RHOBTB1: variants seen among roughly 807,000 people sequenced by gnomAD.
RHOBTB1 encodes Rho related BTB domain containing 1.
A neutral mutation model predicts 71.6 loss-of-function variants in RHOBTB1; 40 were observed. The ratio of observed to expected loss-of-function variants is 0.56; its 90% CI spans 0.43 to 0.73. RHOBTB1 has a LOEUF of 0.73. RHOBTB1 is among the 30% of genes least tolerant of loss of function. The pLI is 0.00. For synonymous variants in RHOBTB1, 319 were observed against 334.9 expected, an observed-to-expected ratio of 0.95 and a Z score of 0.52; for missense variants, 797 against 894.0, an observed-to-expected ratio of 0.89 and a Z score of 1.38.
intron 2 of RHOBTB1, among the ~76,000 whole-genome samples, chr10:60,924,947 A>G (rs2133826585): frequency 6.6e-6 from 1 of 152,256 alleles, no homozygotes; most frequent in African/African-American, 2.4e-5. Flanking sequence ...CCAATGTTAG[A>G]GTTGGGGCTT....
chr10:60,861,215 T>C, the RHOBTB1 span, among the ~76,000 whole-genome samples: 1 of 152,152 alleles, frequency 6.6e-6, no homozygotes, highest in Non-Finnish European at 1.5e-5. Flanking sequence ...GGACGTTCTG[T>C]TTGAACCTCA....
chr10:60,867,997 C>A (rs1022279986), downstream of RHOBTB1, among the ~76,000 whole-genome samples: 1 of 152,176 alleles, frequency 6.6e-6, no homozygotes, highest in African/African-American at 2.4e-5. Flanking sequence ...ATATCTGTGG[C>A]TCACAGTGTT....
At chr10:60,985,486 A>G (rs2086632015) in intron 2 of RHOBTB1, among the ~76,000 whole-genome samples, 2 of 152,232 alleles carry the variant, frequency 1.3e-5, no homozygotes, top group Admixed American at 6.5e-5. Context: ...TTCCTTGTAT[A>G]TGGCCATGAC....
chr10:60,993,684 T>C (rs1337472604), intron 1 of RHOBTB1, among the ~76,000 whole-genome samples: 1 of 152,108 alleles, frequency 6.6e-6, no homozygotes, highest in Non-Finnish European at 1.5e-5. Flanking sequence ...CATTTTATAT[T>C]GCTCTACGGT....
chr10:61,001,254 G>A (rs998578654), intron 1 of RHOBTB1: 16 of 152,224 alleles, frequency 1.1e-4, no homozygotes, highest in African/African-American at 3.6e-4. Context: ...GGTGCAAAGG[G>A]ATGCTCCAAG....
At chr10:60,893,566 C>T (rs1298270878) in intron 4 of RHOBTB1, among the ~76,000 whole-genome samples, 1 of 152,106 alleles carries the variant, frequency 6.6e-6, no homozygotes, top group East Asian at 1.9e-4. Flanking sequence ...AAAGAAAAAT[C>T]CTGAATTTGC....
At chr10:60,908,086 G>C (rs10994574) in intron 4 of RHOBTB1, among the ~76,000 whole-genome samples, 6,517 of 152,238 alleles carry the variant, frequency 0.043, 216 homozygotes, top group Non-Finnish European at 0.067. Context: ...TAAATCATAA[G>C]AGAGCAATAA....
intron 7 of RHOBTB1, among the ~76,000 whole-genome samples, chr10:60,879,502 T>C (rs1037215794): frequency 3.3e-5 from 5 of 151,766 alleles, no homozygotes; most frequent in Admixed American, 3.3e-4. Flanking sequence ...CCGGCTAATT[T>C]ATTTTATTAA....
chr10:60,986,409 A>ATATATAT (rs1396402765), intron 1 of RHOBTB1, among the ~76,000 whole-genome samples: 2 of 127,706 alleles, frequency 1.6e-5, no homozygotes, highest in South Asian at 2.2e-4. Context: ...TAAAAGATAT[A>ATATATAT]TATATATATA....
At chr10:60,867,234 A>G (rs1024656097), downstream of RHOBTB1, among the ~76,000 whole-genome samples, 37 of 152,332 alleles carry the variant, frequency 2.4e-4, no homozygotes, top group African/African-American at 8.9e-4. Context: ...ACTACCATGA[A>G]TCATCAAATC....
At chr10:60,988,455 C>T (rs1398748819) in intron 1 of RHOBTB1, among the ~76,000 whole-genome samples, 1 of 151,574 alleles carries the variant, frequency 6.6e-6, no homozygotes, top group Non-Finnish European at 1.5e-5. Flanking sequence ...CAGCCCTTGC[C>T]CCTCCCTCCC....
chr10:60,900,491 T>C (rs1334745725), intron 4 of RHOBTB1, among the ~76,000 whole-genome samples: 1 of 152,232 alleles, frequency 6.6e-6, no homozygotes, highest in African/African-American at 2.4e-5. Flanking sequence ...TTCAGCATTG[T>C]TAACCCTGAA....
intron 5 of RHOBTB1, among the ~76,000 whole-genome samples, chr10:60,892,091 A>G (rs1366131864): frequency 1.3e-5 from 2 of 152,228 alleles, no homozygotes; most frequent in Non-Finnish European, 2.9e-5. Flanking sequence ...CTGTGAGTCA[A>G]TTAAACCTCT....
rs1324040718 is a variant in RHOBTB1 at position 60,889,058 on chromosome 10, T to C, written c.610A>G (p.Ile204Val). 5 of 1,614,054 alleles carry C rather than the reference T, an allele frequency of 3.1e-6. No homozygotes were observed. The highest frequency in any genetic ancestry group is 1.6e-4 in the Middle Eastern group (1 of 6,082). ...CTGCGGGAAATCAGCGCTGCTCGGA[T>C]TGCATTGTCAAACACATCCTTGATA... ...FGIKDVFDNAIRAALISRRHL... is the reference protein window; with the variant it reads ...FGIKDVFDNAVRAALISRRHL... Residue 204 changes from isoleucine (I) to valine (V), a missense_variant, in exon 6 of 11, where the codon ATC becomes GTC. Coordinates refer to ENST00000337910, the MANE Select transcript of RHOBTB1 (RefSeq NM_014836.5).
At chr10:60,972,040 C>T (rs1370088124) in intron 2 of RHOBTB1, among the ~76,000 whole-genome samples, 1 of 152,142 alleles carries the variant, frequency 6.6e-6, no homozygotes, top group Admixed American at 6.5e-5. Context: ...CAGGAAACAA[C>T]AGATGCTGGA....
At chr10:60,955,249 G>T (rs2085550918) in intron 2 of RHOBTB1, among the ~76,000 whole-genome samples, 1 of 151,562 alleles carries the variant, frequency 6.6e-6, no homozygotes, top group Non-Finnish European at 1.5e-5. Context: ...CACCATGTTG[G>T]CAAGGCTGGT....
At chr10:60,877,196 C>T (rs2081089710) in intron 8 of RHOBTB1, 1 of 152,226 alleles carries the variant, frequency 6.6e-6, no homozygotes, top group African/African-American at 2.4e-5. Flanking sequence ...AGAAATGATA[C>T]ATAAGATTTT....
intron 2 of RHOBTB1, among the ~76,000 whole-genome samples, chr10:60,919,292 A>C (rs1389747268): frequency 6.6e-6 from 1 of 151,996 alleles, no homozygotes; most frequent in Non-Finnish European, 1.5e-5. Context: ...TCAAAGAGTT[A>C]GCCCTGAAAT....
At chr10:60,942,506 TA>T (rs1444643538) in intron 1 of RHOBTB1, among the ~76,000 whole-genome samples, 1 of 152,236 alleles carries the variant, frequency 6.6e-6, no homozygotes, top group Non-Finnish European at 1.5e-5. Context: ...ATCAACTGGT[TA>T]AACCTTTTTC....
Sources: allele counts gnomAD v4.1 joint callset (sites outside exome capture counted in the v4.1 genomes callset), GRCh38; gene constraint gnomAD v4.1.1; transcripts MANE v1.5; gene names NCBI Gene and HGNC (gene_info 2026-07-23, HGNC 2026-07-21).